Variants in ITGBL1 observed in about 807,000 individuals in gnomAD.
ITGBL1 encodes integrin subunit beta like 1.
ITGBL1 carries 51 observed loss-of-function variants against 68.5 expected under a neutral mutation model. That is an observed-to-expected ratio of 0.74 (90% CI 0.59 to 0.94). The LOEUF (loss-of-function observed/expected upper bound fraction) is 0.94, where lower values mean the gene tolerates loss of function less well. ITGBL1 is among the 40% of genes least tolerant of loss of function. The pLI, the probability that ITGBL1 is intolerant of heterozygous loss-of-function variation, is 0.00. For missense variants in ITGBL1, 649 were observed against 647.4 expected (o/e 1.00, Z -0.03); for synonymous variants, 209 against 227.3 (o/e 0.92, Z 0.72).
intron 7 of ITGBL1, among the ~76,000 whole-genome samples, chr13:101,651,047 T>A (rs139228988): frequency 2.4e-3 from 360 of 152,346 alleles, no homozygotes; most frequent in Non-Finnish European, 4.3e-3. Context: ...TAGTCTATCA[T>A]TGATGGGCAT....
At chr13:101,575,586 G>GT (rs748414326) in intron 4 of ITGBL1, 40 bp downstream of exon 4, 14 of 1,589,780 alleles carry the variant, frequency 8.8e-6, no homozygotes, top group South Asian at 4.5e-5. Flanking sequence ...AAAAGTACCT[G>GT]TTTTTTTCAC....
chr13:101,491,294 G>C (rs1316812303), intron 2 of ITGBL1, among the ~76,000 whole-genome samples: 1 of 152,102 alleles, frequency 6.6e-6, no homozygotes, highest in Non-Finnish European at 1.5e-5. Context: ...TCCATCCTCA[G>C]ACCCTCCTTC....
intron 7 of ITGBL1, among the ~76,000 whole-genome samples, chr13:101,624,296 C>A (rs1259321397): frequency 6.6e-6 from 1 of 152,198 alleles, no homozygotes; most frequent in Non-Finnish European, 1.5e-5. Context: ...AAAGCAAACA[C>A]CGTTACTTCC....
At chr13:101,631,981 T>C (rs923337705) in intron 7 of ITGBL1, among the ~76,000 whole-genome samples, 4 of 152,122 alleles carry the variant, frequency 2.6e-5, no homozygotes, top group Non-Finnish European at 4.4e-5. Flanking sequence ...TGTTTTGACC[T>C]TGGGTTGATG....
At chr13:101,677,868 A>G (rs1016720414) in intron 7 of ITGBL1, among the ~76,000 whole-genome samples, 3 of 152,156 alleles carry the variant, frequency 2.0e-5, no homozygotes, top group African/African-American at 7.2e-5. Context: ...CAGGTTCTGC[A>G]TATGTTTGAC....
chr13:101,632,565 G>T (rs535545795), intron 7 of ITGBL1, among the ~76,000 whole-genome samples: 2 of 152,004 alleles, frequency 1.3e-5, no homozygotes, highest in Non-Finnish European at 2.9e-5. Flanking sequence ...AATATGTATT[G>T]GTAAGTGAAC....
intron 2 of ITGBL1, among the ~76,000 whole-genome samples, chr13:101,566,186 G>T: frequency 6.6e-6 from 1 of 152,040 alleles, no homozygotes; most frequent in Non-Finnish European, 1.5e-5. Flanking sequence ...TTCAACTTAT[G>T]AAAGTGGCAA....
chr13:101,534,912 T>C (rs2049545786), intron 2 of ITGBL1, among the ~76,000 whole-genome samples: 1 of 152,104 alleles, frequency 6.6e-6, no homozygotes. Context: ...AATAAAACAG[T>C]GTAACATAAG....
intron 2 of ITGBL1, among the ~76,000 whole-genome samples, chr13:101,566,283 A>G (rs1268336986): frequency 6.6e-6 from 1 of 152,132 alleles, no homozygotes; most frequent in African/African-American, 2.4e-5. Flanking sequence ...AGCCTTAACC[A>G]CTGCAAGAAT....
At chr13:101,493,068 G>A (rs747926459) in intron 2 of ITGBL1, among the ~76,000 whole-genome samples, 6 of 151,990 alleles carry the variant, frequency 3.9e-5, no homozygotes, top group Non-Finnish European at 7.4e-5. Context: ...TTAATGGGTG[G>A]AAGGGGAGGT....
intron 7 of ITGBL1, among the ~76,000 whole-genome samples, chr13:101,651,390 A>C (rs964851860): frequency 6.6e-6 from 1 of 151,948 alleles, no homozygotes; most frequent in Admixed American, 6.6e-5. Context: ...ACGTTTCTCT[A>C]ATGATCAGTG....
intron 7 of ITGBL1, among the ~76,000 whole-genome samples, chr13:101,643,779 C>A (rs1369359818): frequency 6.6e-6 from 1 of 152,080 alleles, no homozygotes; most frequent in African/African-American, 2.4e-5. Flanking sequence ...TATCCCCTCA[C>A]CTGAGTTCTT....
At chr13:101,539,473 C>T (rs1211791665) in intron 2 of ITGBL1, among the ~76,000 whole-genome samples, 1 of 151,932 alleles carries the variant, frequency 6.6e-6, no homozygotes, top group Admixed American at 6.6e-5. Flanking sequence ...TGGGTTGGTT[C>T]CAAGTCTTTG....
At chr13:101,537,594 A>G (rs151314260) in intron 2 of ITGBL1, among the ~76,000 whole-genome samples, 7 of 152,046 alleles carry the variant, frequency 4.6e-5, no homozygotes, top group Non-Finnish European at 7.4e-5. Flanking sequence ...AACTTCCTAG[A>G]TTCAAGGTTG....
intron 7 of ITGBL1, among the ~76,000 whole-genome samples, chr13:101,615,264 TA>T (rs1372443037): frequency 6.6e-6 from 1 of 152,108 alleles, no homozygotes; most frequent in Admixed American, 6.6e-5. Context: ...GGGCCCACCC[TA>T]AATCCAGGAT....
intron 2 of ITGBL1, among the ~76,000 whole-genome samples, chr13:101,504,199 A>G (rs184515825): frequency 1.3e-5 from 2 of 152,316 alleles, no homozygotes; most frequent in African/African-American, 4.8e-5. Flanking sequence ...GGATACATAC[A>G]CTTATTTTTT....
In ITGBL1 at chr13:101,651,761, A is replaced by G. The variant is rs575716180; in HGVS notation, c.1016-40824A>G. ...ATTTTTGCCCGGGTCTATGTCCTAAATGGTATTACCTAGATTTTCTTCTAG... is the reference window on the plus strand; with the variant it reads ...ATTTTTGCCCGGGTCTATGTCCTAAGTGGTATTACCTAGATTTTCTTCTAG... On this transcript the variant is annotated intron_variant, in intron 7 of 10. Coordinates refer to ENST00000376180, the MANE Select transcript of ITGBL1 (RefSeq NM_004791.3). Among the ~76,000 whole-genome samples, 37 of 139,038 alleles carry G rather than the reference A, an allele frequency of 2.7e-4. 1 individual carries two copies. In the South Asian group the frequency reaches 8.4e-3, roughly 31 times the overall value. The allele number at this position is 139,038 out of a possible 152,430, so 91.2% of individuals were successfully genotyped here.
intron 7 of ITGBL1, among the ~76,000 whole-genome samples, chr13:101,669,509 T>C (rs925014370): frequency 6.6e-6 from 1 of 152,138 alleles, no homozygotes; most frequent in Non-Finnish European, 1.5e-5. Context: ...TCAAGTTGGC[T>C]TAAGTTAGAA....
chr13:101,574,570 T>C (rs1213081109), intron 3 of ITGBL1, among the ~76,000 whole-genome samples: 1 of 152,164 alleles, frequency 6.6e-6, no homozygotes, highest in Admixed American at 6.6e-5. Flanking sequence ...CAGGGTGGTT[T>C]CTTGTGAGAG....
Sources: gnomAD v4.1 joint callset for allele counts (sites outside exome capture counted in the v4.1 genomes callset) on GRCh38, gnomAD v4.1.1 for gene constraint, MANE v1.5 for transcripts, NCBI Gene and HGNC (gene_info 2026-07-23, HGNC 2026-07-21) for gene names.